KMO: variants seen among roughly 807,000 people sequenced by gnomAD.
The protein encoded by KMO is kynurenine 3-hydroxylase.
KMO carries 24 observed loss-of-function variants against 57.8 expected under a neutral mutation model. The ratio of observed to expected loss-of-function variants is 0.42; its 90% confidence interval spans 0.30 to 0.58. The LOEUF is 0.58. Among genes scored for constraint, KMO ranks in the 20% least tolerant of loss-of-function variants. The probability of loss-of-function intolerance (pLI) is 0.22; values close to 1 mark genes in which losing one functional copy is unlikely to be tolerated. For missense variants in KMO, 483 were observed against 588.2 expected (o/e 0.82, Z 1.85); for synonymous variants, 210 against 193.6 (o/e 1.08, Z -0.70).
intron 12 of KMO, among the ~76,000 whole-genome samples, 200 bp downstream of exon 12, chr1:241,589,030 T>C (rs186295397): frequency 3.3e-5 from 5 of 152,084 alleles, no homozygotes; most frequent in East Asian, 1.9e-4. Context: ...CCAATACACA[T>C]TATCTCTATC....
At chr1:241,550,079 CT>C (rs376692659) in intron 3 of KMO, 762 of 217,170 alleles carry the variant, frequency 3.5e-3, no homozygotes, top group Middle Eastern at 6.0e-3. Flanking sequence ...AGCCAGATTC[CT>C]TTTTTTTTTC....
At chr1:241,560,790 G>C (rs1411467363) in intron 6 of KMO, 38 bp downstream of exon 6, 1 of 1,341,514 alleles carries the variant, frequency 7.5e-7, no homozygotes, top group South Asian at 1.2e-5. Flanking sequence ...AGAGGTGAAA[G>C]CTGGGAGTGG....
chr1:241,559,113 A>G (rs963043790), intron 5 of KMO, among the ~76,000 whole-genome samples: 35 of 152,308 alleles, frequency 2.3e-4, no homozygotes, highest in Non-Finnish European at 4.7e-4. Flanking sequence ...AAAAAAAAAA[A>G]AGATATTTTA....
At chr1:241,586,629 C>G (rs1049527955) in intron 10 of KMO, 50 bp from the exon 11 acceptor site, 9 of 1,239,566 alleles carry the variant, frequency 7.3e-6, no homozygotes, top group Non-Finnish European at 9.3e-6. Context: ...ATAAGGGTTT[C>G]TTTTTTATTA....
intron 1 of KMO, among the ~76,000 whole-genome samples, chr1:241,541,150 T>A (rs4509566): frequency 0.42 from 64,034 of 151,908 alleles, 14,245 homozygotes; most frequent in Non-Finnish European, 0.5. Context: ...TAGAAAACGG[T>A]TGCAGTAGCC....
At chr1:241,565,332 A>G (rs567401034) in intron 8 of KMO, among the ~76,000 whole-genome samples, 1 of 152,266 alleles carries the variant, frequency 6.6e-6, no homozygotes, top group Non-Finnish European at 1.5e-5. Context: ...TTAGGAGGAA[A>G]CAGCCCTTCC....
intron 2 of KMO, among the ~76,000 whole-genome samples, chr1:241,549,239 A>C (rs1417727195): frequency 1.3e-4 from 2 of 15,772 alleles, no homozygotes; most frequent in African/African-American, 2.4e-4. Context: ...GAAAGAAAGA[A>C]AGAAAGAAAG....
chr1:241,558,616 C>T (rs905685979), intron 5 of KMO, among the ~76,000 whole-genome samples: 1 of 152,100 alleles, frequency 6.6e-6, no homozygotes, highest in African/African-American at 2.4e-5. Context: ...GTCTGACAAA[C>T]CTTGCATCAA....
intron 1 of KMO, among the ~76,000 whole-genome samples, chr1:241,538,566 A>G (rs1410252766): frequency 6.6e-6 from 1 of 152,230 alleles, no homozygotes; most frequent in Non-Finnish European, 1.5e-5. Context: ...ATCAACTAGA[A>G]GTAAGCAATA....
intron 6 of KMO, 74 bp downstream of exon 6, chr1:241,560,826 T>C: frequency 1.1e-6 from 1 of 948,468 alleles, no homozygotes; most frequent in Non-Finnish European, 1.7e-6. Flanking sequence ...AACTTTGTTC[T>C]TTGGCTCTTT....
chr1:241,558,078 C>T (rs77088082), intron 5 of KMO, among the ~76,000 whole-genome samples: 1 of 152,222 alleles, frequency 6.6e-6, no homozygotes, highest in South Asian at 2.1e-4. Flanking sequence ...GAGCTTGGAT[C>T]ACACTGTTAG....
Position 241,560,760 on chromosome 1 carries a change from C to T in KMO, c.449+8C>T, listed in dbSNP as rs372087092. On this transcript the variant is annotated splice_region_variant and intron_variant, in intron 6 of 14. Coordinates refer to ENST00000366559, the MANE Select transcript of KMO (RefSeq NM_003679.5). Reference sequence around the variant, plus strand: ...AATGATCACAGTGCTTGGGTAACTACGGGTCAGGTTTTGGACTTCAGAGGT... The same window carrying T: ...AATGATCACAGTGCTTGGGTAACTATGGGTCAGGTTTTGGACTTCAGAGGT... 62 of 1,602,314 alleles carry T rather than the reference C, an allele frequency of 3.9e-5. No homozygotes were observed. The African/African-American group carries it at 3.9e-4, about 10-fold the overall frequency.
At chr1:241,575,318 T>C (rs1276089074) in intron 10 of KMO, among the ~76,000 whole-genome samples, 1 of 152,116 alleles carries the variant, frequency 6.6e-6, no homozygotes, top group Non-Finnish European at 1.5e-5. Flanking sequence ...TTGGGTTTAG[T>C]TTGTTCTTGT....
chr1:241,534,093 G>A (rs1034545094), intron 1 of KMO, among the ~76,000 whole-genome samples: 3 of 152,246 alleles, frequency 2.0e-5, no homozygotes, highest in Non-Finnish European at 4.4e-5. Flanking sequence ...AAGAAGATCA[G>A]ATTTTGTTCA....
intron 5 of KMO, among the ~76,000 whole-genome samples, chr1:241,555,968 C>G (rs1661605675): frequency 1.3e-5 from 2 of 151,946 alleles, no homozygotes; most frequent in Middle Eastern, 3.2e-3. Context: ...ACCTATAGTC[C>G]CAGCTACTCA....
At chr1:241,591,212 G>T (rs1048448864) in intron 14 of KMO, among the ~76,000 whole-genome samples, 1 of 152,100 alleles carries the variant, frequency 6.6e-6, no homozygotes, top group Admixed American at 6.5e-5. Context: ...CAGTAAGTGC[G>T]GGGATAGAAA....
At position 241,593,162 on chromosome 1, in the gene KMO, C is replaced by T. The variant is rs1451031109; in HGVS notation, c.*1009C>T. 1 of 242,064 alleles carries T rather than the reference C, an allele frequency of 4.1e-6. No homozygotes were observed. Among genetic ancestry groups the T allele is most frequent in the Non-Finnish European group, 9.3e-6 (1 of 107,632 alleles). 15.0% of individuals were successfully genotyped at this position (242,064 alleles called of 1,614,324 possible). ...AGGGTTTTATTCATAAATTAAATGT[C>T]TACATGTGCCAGAATGGAAAGGAAA... On this transcript the variant is annotated 3_prime_UTR_variant, in exon 15 of 15. Transcript: ENST00000366559.
intron 1 of KMO, among the ~76,000 whole-genome samples, chr1:241,536,135 G>A (rs1660743762): frequency 6.6e-6 from 1 of 151,924 alleles, no homozygotes; most frequent in South Asian, 2.1e-4. Context: ...ACACAATTAT[G>A]TCATGAGGAA....
At chr1:241,550,570 A>G (rs1661357250) in intron 3 of KMO, among the ~76,000 whole-genome samples, 1 of 152,212 alleles carries the variant, frequency 6.6e-6, no homozygotes, top group Non-Finnish European at 1.5e-5. Context: ...TTTCTCCCAG[A>G]TAGCAGCAGT....
Sources: gnomAD v4.1 joint callset for allele counts (sites outside exome capture counted in the v4.1 genomes callset) on GRCh38, gnomAD v4.1.1 for gene constraint, MANE v1.5 for transcripts, NCBI Gene and HGNC (gene_info 2026-07-23, HGNC 2026-07-21) for gene names.